Variants in RBFOX1 observed in about 807,000 individuals in gnomAD.
RBFOX1 encodes the protein RNA binding fox-1 homolog 1.
A neutral mutation model predicts 57.7 loss-of-function variants in RBFOX1; 8 were observed. The observed-to-expected ratio is 0.14, with a 90% CI of 0.08 to 0.25. RBFOX1 has a LOEUF of 0.25. Among genes scored for constraint, RBFOX1 ranks in the 10% least tolerant of loss-of-function variants. The pLI is 1.00. For missense variants in RBFOX1, 611 were observed against 548.5 expected (o/e 1.11, Z -1.14); for synonymous variants, 326 against 222.4 (o/e 1.47, Z -4.15).
At chr16:6,131,240 T>C (rs1221962637) in intron 1 of RBFOX1, among the ~76,000 whole-genome samples, 1 of 152,244 alleles carries the variant, frequency 6.6e-6, no homozygotes. Flanking sequence ...TGTGTACACA[T>C]TTATCAAAAG....
At chr16:7,707,095 C>T (rs539767319) in intron 14 of RBFOX1, among the ~76,000 whole-genome samples, 2 of 152,304 alleles carry the variant, frequency 1.3e-5, no homozygotes, top group South Asian at 2.1e-4. Flanking sequence ...AGAGGCATCC[C>T]TTCAGGTCCT....
chr16:6,058,972 CA>C (rs2095651372), intron 1 of RBFOX1, among the ~76,000 whole-genome samples: 1 of 152,224 alleles, frequency 6.6e-6, no homozygotes, highest in South Asian at 2.1e-4. Flanking sequence ...ACAACTAACT[CA>C]GACTCTGTAG....
intron 1 of RBFOX1, among the ~76,000 whole-genome samples, chr16:6,269,815 T>A (rs2074986363): frequency 6.6e-6 from 1 of 152,176 alleles, no homozygotes; most frequent in African/African-American, 2.4e-5. Context: ...AAAATAGCCA[T>A]TAATATGATA....
intron 3 of RBFOX1, among the ~76,000 whole-genome samples, chr16:5,710,545 C>T (rs1230360998): frequency 6.6e-6 from 1 of 152,186 alleles, no homozygotes; most frequent in Non-Finnish European, 1.5e-5. Flanking sequence ...TGGGTTCTCT[C>T]AAGGCAGCTT....
intron 3 of RBFOX1, among the ~76,000 whole-genome samples, chr16:5,745,691 A>G (rs1448711868): frequency 6.6e-6 from 1 of 152,174 alleles, no homozygotes; most frequent in African/African-American, 2.4e-5. Flanking sequence ...TCTGATGGCC[A>G]GTGATGATGA....
intron 3 of RBFOX1, among the ~76,000 whole-genome samples, chr16:6,833,837 G>A (rs1388744817): frequency 6.6e-6 from 1 of 152,122 alleles, no homozygotes; most frequent in Non-Finnish European, 1.5e-5. Flanking sequence ...GAAGAGAGAT[G>A]GAAAGGAGTG....
chr16:7,277,782 A>G (rs2095469292), intron 4 of RBFOX1, among the ~76,000 whole-genome samples: 1 of 152,152 alleles, frequency 6.6e-6, no homozygotes, highest in Admixed American at 6.5e-5. Context: ...AGTATAGAAA[A>G]CAGGAATATC....
intron 4 of RBFOX1, among the ~76,000 whole-genome samples, chr16:5,890,697 G>GA (rs71404558): frequency 0.013 from 795 of 61,134 alleles, 18 homozygotes; most frequent in Non-Finnish European, 0.014. Context: ...AGTCTGTATT[G>GA]AAAAAAAAAA....
intron 1 of RBFOX1, among the ~76,000 whole-genome samples, chr16:6,084,578 A>C (rs2096058728): frequency 6.6e-6 from 1 of 152,134 alleles, no homozygotes; most frequent in African/African-American, 2.4e-5. Flanking sequence ...TTTAGCTTTC[A>C]AAAGGTCAAG....
At chr16:7,121,709 T>C (rs2067223987) in intron 4 of RBFOX1, among the ~76,000 whole-genome samples, 1 of 151,842 alleles carries the variant, frequency 6.6e-6, no homozygotes, top group African/African-American at 2.4e-5. Flanking sequence ...TTCTAAAAAT[T>C]ATAAGGAAAA....
At chr16:5,792,654 C>G (rs1030103796) in intron 3 of RBFOX1, among the ~76,000 whole-genome samples, 5 of 152,152 alleles carry the variant, frequency 3.3e-5, no homozygotes, top group Admixed American at 1.3e-4. Context: ...ACCAGCCTGG[C>G]CAACGTGCTG....
chr16:6,463,108 T>G (rs540670060), intron 2 of RBFOX1, among the ~76,000 whole-genome samples: 134 of 141,330 alleles, frequency 9.5e-4, no homozygotes, highest in African/African-American at 3.2e-3. Context: ...ATTCAACTTT[T>G]ATAAAAACAG....
intron 4 of RBFOX1, among the ~76,000 whole-genome samples, chr16:7,130,152 C>T (rs1329282790): frequency 6.6e-6 from 1 of 151,802 alleles, no homozygotes; most frequent in Non-Finnish European, 1.5e-5. Context: ...CCTGCCTCAG[C>T]CTTCCAAGTA....
intron 3 of RBFOX1, among the ~76,000 whole-genome samples, chr16:5,636,724 C>A (rs1278589272): frequency 6.6e-6 from 1 of 152,186 alleles, no homozygotes; most frequent in Non-Finnish European, 1.5e-5. Context: ...GAACTCCGGG[C>A]AGTGGACCAG....
chr16:6,563,623 T>A (rs1238579718), intron 2 of RBFOX1, among the ~76,000 whole-genome samples: 1 of 152,058 alleles, frequency 6.6e-6, no homozygotes, highest in Non-Finnish European at 1.5e-5. Context: ...GTAGGCAGAT[T>A]GTTTGAGCTC....
chr16:6,831,700 C>T (rs536261049), intron 3 of RBFOX1, among the ~76,000 whole-genome samples: 30 of 152,208 alleles, frequency 2.0e-4, no homozygotes, highest in African/African-American at 6.7e-4. Context: ...ATTTTTAACT[C>T]TTTGCCCCTT....
chr16:7,010,088 T>C (rs887465652), intron 3 of RBFOX1, among the ~76,000 whole-genome samples: 1 of 152,182 alleles, frequency 6.6e-6, no homozygotes, highest in Non-Finnish European at 1.5e-5. Context: ...TTAACTTCTA[T>C]AACGGTTTGC....
intron 2 of RBFOX1, among the ~76,000 whole-genome samples, chr16:5,473,654 G>T (rs2069216595): frequency 7.9e-6 from 1 of 125,812 alleles, no homozygotes; most frequent in African/African-American, 3.0e-5. Context: ...TGGGTGGATG[G>T]ACAGAAGGAA....
chr16:6,513,941 G>T (rs1039255475), intron 2 of RBFOX1, among the ~76,000 whole-genome samples: 5 of 152,156 alleles, frequency 3.3e-5, no homozygotes, highest in African/African-American at 9.7e-5. Context: ...CTGATGGGAA[G>T]AACAGAAATA....
Sources: allele counts gnomAD v4.1 joint callset (sites outside exome capture counted in the v4.1 genomes callset), GRCh38; gene constraint gnomAD v4.1.1; transcripts MANE v1.5; gene names NCBI Gene and HGNC (gene_info 2026-07-23, HGNC 2026-07-21).